RFX2: variants seen among roughly 807,000 people sequenced by gnomAD.
RFX2 encodes DNA-binding protein RFX2.
A neutral mutation model predicts 87.8 loss-of-function variants in RFX2; 20 were observed. The ratio of observed to expected loss-of-function variants is 0.23; its 90% CI spans 0.16 to 0.33. The LOEUF (loss-of-function observed/expected upper bound fraction) is 0.33, where lower values mean the gene tolerates loss of function less well. RFX2 is among the 10% of genes least tolerant of loss of function. The pLI, the probability that RFX2 is intolerant of heterozygous loss-of-function variation, is 1.00. For missense variants in RFX2, 767 were observed against 1,012.3 expected (o/e 0.76, Z 3.29); for synonymous variants, 397 against 431.3 (o/e 0.92, Z 0.98).
At chr19:6,088,312 C>G (rs777689634) in intron 1 of RFX2, among the ~76,000 whole-genome samples, 1 of 151,438 alleles carries the variant, frequency 6.6e-6, no homozygotes, top group South Asian at 2.1e-4. Context: ...CTCCGCCTCC[C>G]GCGATTCTCC....
chr19:6,024,472 T>C lies in RFX2; in HGVS notation c.597+1691A>G, dbSNP rs1273942765. 1.3e-5 allele frequency among the ~76,000 whole-genome samples: 2 copies of C among 152,180 alleles called. No homozygotes were observed. The highest frequency in any genetic ancestry group is 4.8e-5 in the African/African-American group (2 of 41,426). On this transcript the variant is annotated intron_variant, in intron 6 of 17. Transcript: ENST00000303657. This position sits in a 1 kb window ranked among gnomAD's most constrained non-coding sequence, Gnocchi z 5.0. ...ATGGTGTTTGTTTTGTTTTGTCTTTTTTGCTTCAAGACAATCGGCAGAAGG... is the reference window on the plus strand; with the variant it reads ...ATGGTGTTTGTTTTGTTTTGTCTTTCTTGCTTCAAGACAATCGGCAGAAGG...
chr19:6,066,213 T>C (rs2087509165), intron 1 of RFX2, among the ~76,000 whole-genome samples: 1 of 152,128 alleles, frequency 6.6e-6, no homozygotes, highest in Non-Finnish European at 1.5e-5. Flanking sequence ...GCGACCTCTC[T>C]TAATAAACAT....
intron 1 of RFX2, among the ~76,000 whole-genome samples, chr19:6,093,791 T>A (rs926526727): frequency 5.9e-5 from 9 of 151,898 alleles, no homozygotes; most frequent in African/African-American, 2.2e-4. Context: ...CAACACGTGG[T>A]ACAAGGTGGA....
rs202050417 is a variant in RFX2, at chr19:6,040,069, C to T, written c.433G>A (p.Val145Ile). ...ATGAGATAGGCTCCCGCGCTGGAGA[C>T]GATGGGGCTCCCCCCGACATCCATG... ...ITMDVGGSPI[V>I]SSAGAYLIHG... Residue 145 changes from valine to isoleucine, a missense_variant, in exon 5 of 18, where the codon GTC (valine) becomes ATC (isoleucine). Val to Ile is a conservative substitution (Grantham distance 29). Around this residue, in one of 2 missense-constraint regions of RFX2, gnomAD observed 621 missense variants for 873.0 expected, o/e 0.71. Coordinates refer to ENST00000303657, the MANE Select transcript of RFX2 (RefSeq NM_000635.4). This position sits in a 1 kb window ranked among gnomAD's most constrained non-coding sequence, Gnocchi z 6.1. The T allele has an allele frequency of 9.0e-4, 1,444 of 1,612,078 alleles. 15 individuals carry two copies. Among genetic ancestry groups the T allele is most frequent in the Admixed American group, 2.8e-4 (17 of 59,932 alleles).
intron 1 of RFX2, among the ~76,000 whole-genome samples, chr19:6,097,111 G>A (rs2088041191): frequency 6.6e-6 from 1 of 152,196 alleles, no homozygotes; most frequent in Non-Finnish European, 1.5e-5. Flanking sequence ...AGGGCAGTGG[G>A]TTAGTGGGGG....
chr19:6,072,806 G>C (rs1019144787), intron 1 of RFX2: 4 of 1,050,918 alleles, frequency 3.8e-6, no homozygotes, highest in Non-Finnish European at 5.8e-6. Context: ...GGTGGCAGCT[G>C]TCTCCTCCTC....
chr19:6,106,230 C>CCCATCCATCCAT (rs56665747), intron 1 of RFX2, among the ~76,000 whole-genome samples: 171 of 150,076 alleles, frequency 1.1e-3, no homozygotes, highest in East Asian at 2.5e-3. Flanking sequence ...CATCGGCCTG[C>CCCATCCATCCAT]CCATCCATCC....
chr19:6,076,569 C>G (rs1278863456), intron 1 of RFX2, among the ~76,000 whole-genome samples: 1 of 152,082 alleles, frequency 6.6e-6, no homozygotes, highest in Non-Finnish European at 1.5e-5. Context: ...GAAAATACTT[C>G]TATCTGTGTT....
intron 9 of RFX2, among the ~76,000 whole-genome samples, chr19:6,008,825 G>A (rs1052305191): frequency 2.6e-5 from 4 of 151,984 alleles, no homozygotes; most frequent in Admixed American, 2.0e-4. Context: ...TTACAGGCAC[G>A]TGCCACCACG....
In RFX2 at chr19:6,026,020, A is replaced by G. The variant is rs2086884362; in HGVS notation, c.597+143T>C. On this transcript the variant is annotated intron_variant, in intron 6 of 17. Coordinates refer to ENST00000303657, the MANE Select transcript of RFX2 (RefSeq NM_000635.4). This position sits in a 1 kb window ranked among gnomAD's most constrained non-coding sequence, Gnocchi z 4.5. ...GGCTGGTCTCAAACTCCTGACTTCAAGTGATCCACCCGCCTTGGCCTCCCA... is the reference window on the plus strand; with the variant it reads ...GGCTGGTCTCAAACTCCTGACTTCAGGTGATCCACCCGCCTTGGCCTCCCA... 1.5e-6 allele frequency: 1 copy of G among 646,654 alleles called. No individual in the cohort carries two copies. The highest frequency in any genetic ancestry group is 1.9e-5 in the African/African-American group (1 of 53,650). 40.1% of individuals were successfully genotyped at this position (646,654 alleles called of 1,614,324 possible).
At position 6,024,083 on chromosome 19, in the gene RFX2, T is replaced by C. The variant is rs2086854945; in HGVS notation, c.597+2080A>G. On this transcript the variant is annotated intron_variant, in intron 6 of 17. Transcript: ENST00000303657. This position sits in a 1 kb window ranked among gnomAD's most constrained non-coding sequence, Gnocchi z 5.0. ...GCGTGAGCCACCGTGCCCAGCCCAT[T>C]TTCCCATAGACATTTTAACTCTCCC... is the stretch of plus-strand genomic sequence containing the variant. Among the ~76,000 whole-genome samples, 1 of 152,136 alleles carries C rather than the reference T, an allele frequency of 6.6e-6. No homozygotes were observed. Among genetic ancestry groups the C allele is most frequent in the Non-Finnish European group, 1.5e-5 (1 of 68,016 alleles).
intron 2 of RFX2, among the ~76,000 whole-genome samples, chr19:6,046,553 C>T (rs113972698): frequency 0.037 from 5,413 of 147,220 alleles, 256 homozygotes; most frequent in African/African-American, 0.11. Flanking sequence ...AGCGAGACTC[C>T]GTCCCCCCCC....
chr19:6,015,604 TCA>T (rs1405219960), intron 7 of RFX2, among the ~76,000 whole-genome samples: 2 of 151,992 alleles, frequency 1.3e-5, no homozygotes, highest in African/African-American at 2.4e-5. Context: ...TCCTCCCCTC[TCA>T]GTCTCCCAAA....
intron 1 of RFX2, among the ~76,000 whole-genome samples, chr19:6,075,410 T>A (rs2087678009): frequency 6.6e-6 from 1 of 152,074 alleles, no homozygotes; most frequent in Non-Finnish European, 1.5e-5. Flanking sequence ...TGACAGATAT[T>A]TTGGAAGTAT....
chr19:6,088,490 C>G (rs1463727747), intron 1 of RFX2, among the ~76,000 whole-genome samples: 1 of 151,502 alleles, frequency 6.6e-6, no homozygotes, highest in Non-Finnish European at 1.5e-5. Flanking sequence ...GGATTCCAGG[C>G]TTGAGTCACC....
At chr19:6,008,022 C>A (rs770894849) in intron 10 of RFX2, 84 bp downstream of exon 10, 3 of 1,047,846 alleles carry the variant, frequency 2.9e-6, no homozygotes, top group African/African-American at 1.6e-5. Flanking sequence ...AGCTCCTCAG[C>A]GTCACCCGGG....
chr19:6,109,052 G>T (rs78509942), intron 1 of RFX2, among the ~76,000 whole-genome samples: 2,800 of 152,100 alleles, frequency 0.018, 34 homozygotes, highest in Non-Finnish European at 0.028. Flanking sequence ...CCGCGAGCGC[G>T]CTGGTGGGCG....
At chr19:6,057,723 C>T (rs1432962769) in intron 1 of RFX2, among the ~76,000 whole-genome samples, 1 of 152,134 alleles carries the variant, frequency 6.6e-6, no homozygotes, top group African/African-American at 2.4e-5. Context: ...CAATTAATTT[C>T]CTCCCTCTGA....
chr19:6,072,858 C>T (rs2087629253), intron 1 of RFX2: 7 of 1,306,870 alleles, frequency 5.4e-6, no homozygotes, highest in East Asian at 2.4e-5. Flanking sequence ...AGCCCAAGAT[C>T]GTCAAAAAGA....
Sources: allele counts gnomAD v4.1 joint callset (sites outside exome capture counted in the v4.1 genomes callset), GRCh38; gene constraint gnomAD v4.1.1; regional missense constraint gnomAD v4.1.1; non-coding constraint Gnocchi (gnomAD v3.1); transcripts MANE v1.5; gene names NCBI Gene and HGNC (gene_info 2026-07-23, HGNC 2026-07-21).